FARS2: variants seen among roughly 807,000 people sequenced by gnomAD.
FARS2 encodes phenylalanyl-tRNA synthetase 2, mitochondrial.
In FARS2, 40 loss-of-function variants were observed where a neutral mutation model predicts 46.4. That is an observed-to-expected ratio of 0.86 (90% confidence interval 0.67 to 1.12). The LOEUF is 1.12. Ranked by LOEUF, FARS2 falls within the 50% of genes most tolerant of loss-of-function variation. The pLI is 0.00. For missense variants in FARS2, 513 were observed against 567.9 expected, an observed-to-expected ratio of 0.90 and a Z score of 0.98; for synonymous variants, 234 against 214.9, an observed-to-expected ratio of 1.09 and a Z score of -0.78.
chr6:5,256,887 T>C (rs1764703258), upstream of FARS2, among the ~76,000 whole-genome samples: 1 of 152,212 alleles, frequency 6.6e-6, no homozygotes, highest in African/African-American at 2.4e-5. Context: ...GAAACCTGGA[T>C]GCCATTCTAG....
chr6:5,616,022 A>C (rs553539154), intron 6 of FARS2, among the ~76,000 whole-genome samples: 48 of 150,928 alleles, frequency 3.2e-4, no homozygotes, highest in African/African-American at 1.1e-3. Flanking sequence ...AAAAAAAAAA[A>C]AAAAAAAAAA....
At chr6:5,476,775 A>G (rs1766148654) in intron 4 of FARS2, among the ~76,000 whole-genome samples, 1 of 152,184 alleles carries the variant, frequency 6.6e-6, no homozygotes, top group African/African-American at 2.4e-5. Flanking sequence ...CAAACCTAAC[A>G]GGACTTGGAA....
At chr6:5,649,801 T>G (rs1406015320) in intron 6 of FARS2, among the ~76,000 whole-genome samples, 1 of 152,206 alleles carries the variant, frequency 6.6e-6, no homozygotes, top group Non-Finnish European at 1.5e-5. Context: ...CTGTGTAGGA[T>G]AGACTGATGG....
intron 1 of FARS2, among the ~76,000 whole-genome samples, chr6:5,344,780 T>A (rs2127596666): frequency 6.6e-6 from 1 of 151,998 alleles, no homozygotes; most frequent in Non-Finnish European, 1.5e-5. Flanking sequence ...GTTTTCTCTT[T>A]CTTTCTTTTC....
At chr6:5,434,337 C>G (rs769065614) in intron 4 of FARS2, among the ~76,000 whole-genome samples, 2 of 152,108 alleles carry the variant, frequency 1.3e-5, no homozygotes, top group Non-Finnish European at 2.9e-5. Context: ...GTCTCGAACT[C>G]TTGACCTCAG....
intron 4 of FARS2, among the ~76,000 whole-genome samples, chr6:5,510,621 C>G (rs529141321): frequency 8.5e-5 from 13 of 152,328 alleles, no homozygotes; most frequent in African/African-American, 2.9e-4. Flanking sequence ...CTCATCTTTG[C>G]AGCCCCTGGA....
rs1766579011 is a variant in FARS2 at position 5,279,532 on chromosome 6, A to G, written c.-22+17872A>G. On this transcript the variant is annotated intron_variant, in intron 1 of 6. Coordinates refer to ENST00000274680, the MANE Select transcript of FARS2 (RefSeq NM_006567.5). ...TTGGCTAGTTTCTCTCTATAAATAA[A>G]TATAGAAAAAATAAAAAATATAAAT... 2.0e-5 allele frequency among the ~76,000 whole-genome samples: 3 copies of G among 150,218 alleles called. No homozygotes were observed. In the South Asian group the frequency reaches 6.2e-4, roughly 31 times the overall value.
chr6:5,717,935 T>TATATATAGAGAGAGAG (rs546191530), intron 6 of FARS2, among the ~76,000 whole-genome samples: 3 of 135,628 alleles, frequency 2.2e-5, no homozygotes, highest in African/African-American at 6.1e-5. Flanking sequence ...TATATATATA[T>TATATATAGAGAGAGAG]ACAGAGTCTC....
chr6:5,387,949 C>T (rs6931716), intron 2 of FARS2, among the ~76,000 whole-genome samples: 26,776 of 152,128 alleles, frequency 0.18, 2,397 homozygotes, highest in Middle Eastern at 0.2. Context: ...AAAGAAAGTA[C>T]AGAAAGTTCC....
intron 4 of FARS2, among the ~76,000 whole-genome samples, chr6:5,459,102 C>T (rs1765083647): frequency 6.6e-6 from 1 of 152,204 alleles, no homozygotes; most frequent in Admixed American, 6.5e-5. Context: ...GACACTGGTC[C>T]ATGTGGCCAG....
chr6:5,379,900 C>T (rs529111275), intron 2 of FARS2, among the ~76,000 whole-genome samples: 1 of 152,224 alleles, frequency 6.6e-6, no homozygotes, highest in East Asian at 1.9e-4. Flanking sequence ...ATTTCAAGGA[C>T]TCAACTCAGT....
At chr6:5,620,910 T>C (rs1775739482) in intron 6 of FARS2, among the ~76,000 whole-genome samples, 1 of 152,272 alleles carries the variant, frequency 6.6e-6, no homozygotes. Context: ...GGTTTACTGT[T>C]CTTACACATC....
At chr6:5,575,207 A>G (rs541281233) in intron 5 of FARS2, among the ~76,000 whole-genome samples, 6 of 152,338 alleles carry the variant, frequency 3.9e-5, no homozygotes, top group South Asian at 2.1e-4. Flanking sequence ...ATTCCAAACA[A>G]TGTGGCACTT....
At position 5,640,265 on chromosome 6, in the gene FARS2, C is replaced by T. The variant is rs142599996; in HGVS notation, c.1217+26945C>T. On this transcript the variant is annotated intron_variant, in intron 6 of 6. Transcript: ENST00000274680. Reference sequence around the variant, plus strand: ...TCTGTATGAGGTCCCGTATTATGTACTGGTACTGTGGGAGGACCAAGGCTC... The same window carrying T: ...TCTGTATGAGGTCCCGTATTATGTATTGGTACTGTGGGAGGACCAAGGCTC... Among the ~76,000 whole-genome samples the T allele has an allele frequency of 2.5e-3, 373 of 152,222 alleles. 1 individual carries two copies. The highest frequency in any genetic ancestry group is 4.1e-3 in the Non-Finnish European group (276 of 68,014).
chr6:5,407,356 G>A lies in FARS2; in HGVS notation c.772+2655G>A, dbSNP rs985298471. Among the ~76,000 whole-genome samples, 8 of 152,022 alleles carry A rather than the reference G, an allele frequency of 5.3e-5. No individual in the cohort carries two copies. In the East Asian group the frequency reaches 1.6e-3, roughly 29 times the overall value. On this transcript the variant is annotated intron_variant, in intron 3 of 6. Transcript: ENST00000274680. The stretch of plus-strand genomic sequence containing the variant: ...CTGAACTCAAATATGTATTTAAAGA[G>A]AATCTTGTTGTAATTTATTAAGCCT...
At chr6:5,383,512 T>G (rs1272459585) in intron 2 of FARS2, among the ~76,000 whole-genome samples, 3 of 152,152 alleles carry the variant, frequency 2.0e-5, no homozygotes, top group African/African-American at 7.2e-5. Context: ...TTAGATAAGT[T>G]CTTTAACGTT....
chr6:5,345,693 A>G (rs1757184844), intron 1 of FARS2, among the ~76,000 whole-genome samples: 1 of 152,200 alleles, frequency 6.6e-6, no homozygotes, highest in South Asian at 2.1e-4. Flanking sequence ...TGGCACAGGA[A>G]AGTGGCTTGA....
chr6:5,407,190 A>C (rs2127724100), intron 3 of FARS2, among the ~76,000 whole-genome samples: 1 of 151,982 alleles, frequency 6.6e-6, no homozygotes, highest in East Asian at 1.9e-4. Context: ...TCGTTGACAA[A>C]GGTGTAGAGA....
chr6:5,698,081 C>T (rs1758210493), intron 6 of FARS2, among the ~76,000 whole-genome samples: 1 of 152,306 alleles, frequency 6.6e-6, no homozygotes, highest in Admixed American at 6.5e-5. Flanking sequence ...TAAAGCACCA[C>T]AGCCAGCAGC....
Sources: allele counts gnomAD v4.1 joint callset (sites outside exome capture counted in the v4.1 genomes callset), GRCh38; gene constraint gnomAD v4.1.1; transcripts MANE v1.5; gene names NCBI Gene and HGNC (gene_info 2026-07-23, HGNC 2026-07-21).